ARID5B: variants seen among roughly 807,000 people sequenced by gnomAD.
ARID5B encodes AT-rich interaction domain 5B.
ARID5B carries 13 observed loss-of-function variants against 97.2 expected under a neutral mutation model. That is an observed-to-expected ratio of 0.13 (90% confidence interval 0.09 to 0.21). The LOEUF (loss-of-function observed/expected upper bound fraction) is 0.21. Ranked by LOEUF, ARID5B falls within the 10% of genes least tolerant of loss-of-function variation. ARID5B has a pLI of 1.00. For synonymous variants in ARID5B, 556 were observed against 570.3 expected (o/e 0.97, Z 0.36); for missense variants, 1,210 against 1,465.3 (o/e 0.83, Z 2.84).
chr10:62,056,740 C>A (rs1839861420), intron 5 of ARID5B, among the ~76,000 whole-genome samples: 1 of 152,144 alleles, frequency 6.6e-6, no homozygotes, highest in Admixed American at 6.5e-5. Context: ...CTAAAAGAAG[C>A]TGGCATAGTT....
intron 6 of ARID5B, among the ~76,000 whole-genome samples, chr10:62,057,963 G>A (rs1464115256): frequency 6.6e-6 from 1 of 152,116 alleles, no homozygotes; most frequent in Non-Finnish European, 1.5e-5. Flanking sequence ...TTTTGCAACC[G>A]AATATATATT....
chr10:62,038,642 AC>A (rs1243213055), intron 4 of ARID5B, among the ~76,000 whole-genome samples: 2 of 152,214 alleles, frequency 1.3e-5, no homozygotes, highest in Non-Finnish European at 2.9e-5. Flanking sequence ...TACAAACCCC[AC>A]CTACCCCACC....
At chr10:61,942,989 T>C (rs558201454) in intron 3 of ARID5B, among the ~76,000 whole-genome samples, 35 of 152,268 alleles carry the variant, frequency 2.3e-4, no homozygotes, top group African/African-American at 7.5e-4. Flanking sequence ...TAATGTAAAA[T>C]ACCCCTTTAA....
At chr10:62,019,053 A>C (rs941207429) in intron 4 of ARID5B, among the ~76,000 whole-genome samples, 4 of 152,166 alleles carry the variant, frequency 2.6e-5, no homozygotes, top group African/African-American at 7.2e-5. Flanking sequence ...TCCTTCCATC[A>C]ATCAGAATAC....
chr10:62,046,100 T>C (rs1839705031), intron 4 of ARID5B, among the ~76,000 whole-genome samples: 2 of 152,180 alleles, frequency 1.3e-5, no homozygotes, highest in South Asian at 4.1e-4. Context: ...AACAAGTCTC[T>C]CTGCAAAATG....
chr10:62,080,520 T>C (rs371201733), intron 8 of ARID5B, among the ~76,000 whole-genome samples: 27 of 152,368 alleles, frequency 1.8e-4, no homozygotes, highest in African/African-American at 6.0e-4. Flanking sequence ...AAAAACTCTC[T>C]ATGCTTATTG....
intron 8 of ARID5B, among the ~76,000 whole-genome samples, chr10:62,082,739 T>G (rs1589290161): frequency 1.3e-5 from 2 of 152,180 alleles, no homozygotes; most frequent in South Asian, 4.1e-4. Context: ...TTTGTCCTCT[T>G]GTACTGTAAA....
Position 62,000,327 on chromosome 10 carries a change from T to A in ARID5B, c.733+6T>A. ...GAGTATATGCGATGAGTTTGGTGAG[T>A]CTTTTTTTTTTTTTCCTACCTGATT... On this transcript the variant is annotated splice_donor_region_variant and intron_variant, in intron 4 of 9. Transcript: ENST00000279873. This position sits in a 1 kb window ranked among gnomAD's most constrained non-coding sequence, Gnocchi z 4.4. 6.4e-7 allele frequency: 1 copy of A among 1,556,506 alleles called. No homozygotes were observed. Among genetic ancestry groups the A allele is most frequent in the Non-Finnish European group, 8.7e-7 (1 of 1,151,874 alleles).
At chr10:62,014,189 C>T (rs1839254780) in intron 4 of ARID5B, among the ~76,000 whole-genome samples, 1 of 152,094 alleles carries the variant, frequency 6.6e-6, no homozygotes, top group African/African-American at 2.4e-5. Flanking sequence ...TACTGTTTCC[C>T]ATAATGGCTG....
rs1251671816 is a variant in ARID5B, at chr10:62,092,964, T to C, written c.3501T>C (p.Ala1167=). The part of the protein sequence containing the change: ...LLHNSIYPLA[A]INPQAAFPSS... The stretch of plus-strand genomic sequence containing the variant: ...ATAACAGCATTTACCCTTTAGCTGC[T>C]ATAAATCCTCAAGCTGCCTTTCCAT... Residue 1167 remains alanine (A), a synonymous_variant, in exon 10 of 10, where the codon GCT becomes GCC. Coordinates refer to ENST00000279873, the MANE Select transcript of ARID5B (RefSeq NM_032199.3). 1 of 1,614,012 alleles carries C rather than the reference T, an allele frequency of 6.2e-7. No individual in the cohort carries two copies. Among genetic ancestry groups the C allele is most frequent in the African/African-American group, 1.3e-5 (1 of 74,926 alleles).
chr10:61,981,374 C>T (rs1039759734), intron 3 of ARID5B, among the ~76,000 whole-genome samples: 5 of 152,058 alleles, frequency 3.3e-5, no homozygotes, highest in South Asian at 4.2e-4. Flanking sequence ...CTCTGCCTCC[C>T]GGGTTCAAGC....
intron 3 of ARID5B, among the ~76,000 whole-genome samples, chr10:61,996,171 A>G (rs1838993114): frequency 6.6e-6 from 1 of 152,182 alleles, no homozygotes. Context: ...ATAATGTTAA[A>G]TCATTACAGT....
intron 3 of ARID5B, among the ~76,000 whole-genome samples, chr10:61,973,316 C>A (rs1838655308): frequency 6.6e-6 from 1 of 152,134 alleles, no homozygotes; most frequent in Admixed American, 6.5e-5. Flanking sequence ...TGGGCTGAGA[C>A]CCTCTGTGAA....
At chr10:61,971,291 A>G (rs1487001110) in intron 3 of ARID5B, among the ~76,000 whole-genome samples, 2 of 152,228 alleles carry the variant, frequency 1.3e-5, no homozygotes, top group Non-Finnish European at 2.9e-5. Context: ...AAGAAATTTA[A>G]GTCAGTCCTC....
chr10:61,980,748 A>G (rs1159195603), intron 3 of ARID5B, among the ~76,000 whole-genome samples: 2 of 152,192 alleles, frequency 1.3e-5, no homozygotes, highest in Non-Finnish European at 2.9e-5. Context: ...CTAGAATGGC[A>G]AACCCAAGAT....
At chr10:61,925,242 AAGTAATGGTCG>A (rs554516851) in intron 2 of ARID5B, among the ~76,000 whole-genome samples, 13 of 152,080 alleles carry the variant, frequency 8.5e-5, no homozygotes, top group Non-Finnish European at 1.3e-4. Context: ...TCAGATGTTA[AAGTAATGGTCG>A]AGTCATTCCG....
intron 4 of ARID5B, among the ~76,000 whole-genome samples, chr10:62,010,157 T>C (rs192102208): frequency 6.7e-6 from 1 of 150,040 alleles, no homozygotes; most frequent in Non-Finnish European, 1.5e-5. Context: ...AATTGGATCC[T>C]TCCCTTGGGC....
In ARID5B at chr10:62,000,499, C is replaced by T; in HGVS notation, c.733+178C>T. The stretch of plus-strand genomic sequence containing the variant: ...AAGGCGTCATTGCCTCCTTCGTAGC[C>T]TCTGTTTACTATGAGTAAGAGATGA... On this transcript the variant is annotated intron_variant, in intron 4 of 9. Transcript: ENST00000279873. This position sits in a 1 kb window ranked among gnomAD's most constrained non-coding sequence, Gnocchi z 4.4. Among the ~76,000 whole-genome samples, 1 of 151,918 alleles carries T rather than the reference C, an allele frequency of 6.6e-6. No individual in the cohort carries two copies. Among genetic ancestry groups the T allele is most frequent in the Non-Finnish European group, 1.5e-5 (1 of 67,978 alleles).
intron 2 of ARID5B, among the ~76,000 whole-genome samples, chr10:61,922,915 A>G (rs1254731735): frequency 6.6e-6 from 1 of 152,178 alleles, no homozygotes; most frequent in Non-Finnish European, 1.5e-5. Context: ...CACAACATAC[A>G]TATGTAGGCA....
Sources: gnomAD v4.1 joint callset for allele counts (sites outside exome capture counted in the v4.1 genomes callset) on GRCh38, gnomAD v4.1.1 for gene constraint, Gnocchi (gnomAD v3.1) non-coding constraint, MANE v1.5 for transcripts, NCBI Gene and HGNC (gene_info 2026-07-23, HGNC 2026-07-21) for gene names.